Variants in DELE1 observed in about 807,000 individuals in gnomAD.
DELE1 encodes the protein DAP3 binding cell death enhancer 1, also known as death ligand signal enhancer.
A neutral mutation model predicts 59.3 loss-of-function variants in DELE1; 54 were observed. The ratio of observed to expected loss-of-function variants is 0.91; its 90% CI spans 0.73 to 1.14. DELE1 has a LOEUF of 1.14. Ranked by LOEUF, DELE1 falls within the 50% of genes most tolerant of loss-of-function variation. DELE1 has a pLI of 0.00. For synonymous variants in DELE1, 264 were observed against 259.1 expected (o/e 1.02, Z -0.18); for missense variants, 636 against 643.9 (o/e 0.99, Z 0.13).
chr5:141,924,705 T>A lies in DELE1; in HGVS notation c.146+10T>A. On this transcript the variant is annotated intron_variant, in intron 2 of 11. Transcript: ENST00000432126. ...TGCCTAACCTCGACAGGTAAGATACTGCCATTTTACCACTCATTTCCTCCC... is the reference window on the plus strand; with the variant it reads ...TGCCTAACCTCGACAGGTAAGATACAGCCATTTTACCACTCATTTCCTCCC... 1 of 1,535,190 alleles carries A rather than the reference T, an allele frequency of 6.5e-7. No individual in the cohort carries two copies. Among genetic ancestry groups the A allele is most frequent in the Non-Finnish European group, 9.0e-7 (1 of 1,108,384 alleles).
At chr5:141,930,771 G>A (rs547122440) in intron 7 of DELE1, among the ~76,000 whole-genome samples, 1 of 152,296 alleles carries the variant, frequency 6.6e-6, no homozygotes, top group African/African-American at 2.4e-5. Context: ...TAACCCTCAT[G>A]TGGGGACTCC....
rs760602484 is a variant in DELE1 at position 141,934,511 on chromosome 5, G to A, written c.1074G>A (p.Gly358=). ...SGLREAQAFL[G]VLFTKEPYLD... is the part of the protein sequence containing the mutation. ...GACCACAGGCCCAAGCTTTCCTCGG[G>A]GTGCTTTTCACCAAGGAGCCCTACC... The change falls in exon 10 of 12, where the codon GGG becomes GGA. Residue 358 remains glycine, a synonymous_variant. Transcript: ENST00000432126. 1.2e-6 allele frequency: 2 copies of A among 1,614,090 alleles called. No homozygotes were observed. The highest frequency in any genetic ancestry group is 8.5e-7 in the Non-Finnish European group (1 of 1,180,040).
intron 11 of DELE1, 133 bp from the exon 12 acceptor site, chr5:141,938,388 G>T: frequency 7.3e-7 from 1 of 1,373,192 alleles, no homozygotes; most frequent in Non-Finnish European, 9.8e-7. Flanking sequence ...TAAGAGCCCT[G>T]CTCACTCATG....
Position 141,939,257 on chromosome 5 carries a change from G to A in DELE1, c.*498G>A, listed in dbSNP as rs1752598238. The A allele has an allele frequency of 1.8e-6, 1 of 543,856 alleles. No homozygotes were observed. Among genetic ancestry groups the A allele is most frequent in the African/African-American group, 2.1e-5 (1 of 48,400 alleles). 33.7% of individuals were successfully genotyped at this position (543,856 alleles called of 1,614,324 possible). Reference sequence around the variant, plus strand: ...AAAAATATGATTAGCATATTGACCTGTAGTTTGATAGATGTTCTGTCTAGG... The same window carrying A: ...AAAAATATGATTAGCATATTGACCTATAGTTTGATAGATGTTCTGTCTAGG... On this transcript the variant is annotated 3_prime_UTR_variant, in exon 12 of 12. Transcript: ENST00000432126.
rs1465255483 is a variant in DELE1 at position 141,937,192 on chromosome 5, C to T, written c.1150-6C>T. The stretch of plus-strand genomic sequence containing the variant: ...GTATCTGTTTGTCTGTCCATTTTCT[C>T]CTTAGGACTCACAGAGCAGGTACCA... On this transcript the variant is annotated splice_polypyrimidine_tract_variant and splice_region_variant and intron_variant, in intron 10 of 11. Coordinates refer to ENST00000432126, the MANE Select transcript of DELE1 (RefSeq NM_014773.5). 3 of 1,614,132 alleles carry T rather than the reference C, an allele frequency of 1.9e-6. No homozygotes were observed. The highest frequency in any genetic ancestry group is 2.7e-5 in the African/African-American group (2 of 75,056).
At chr5:141,926,200 A>G (rs1239082779) in intron 3 of DELE1, among the ~76,000 whole-genome samples, 3 of 152,202 alleles carry the variant, frequency 2.0e-5, no homozygotes, top group African/African-American at 7.2e-5. Context: ...TTATTAATGT[A>G]AAGTATTATA....
chr5:141,941,571 C>T lies in DELE1; in HGVS notation c.*2812C>T, dbSNP rs374752443. 5.1e-5 allele frequency: 50 copies of T among 985,272 alleles called. No homozygotes were observed. The highest frequency in any genetic ancestry group is 9.4e-5 in the South Asian group (2 of 21,286). 61.0% of individuals were successfully genotyped at this position (985,272 alleles called of 1,614,324 possible). A position where few individuals can be genotyped will look rare whatever the true frequency, so the allele number is the denominator to read the frequency against. ...GTGCCCCAGAGGAAGTGTGAGAGGACGAGAGGGAGGTGGCTCCCATCAGCA... is the reference window on the plus strand; with the variant it reads ...GTGCCCCAGAGGAAGTGTGAGAGGATGAGAGGGAGGTGGCTCCCATCAGCA... On this transcript the variant is annotated 3_prime_UTR_variant, in exon 12 of 12. Coordinates refer to ENST00000432126, the MANE Select transcript of DELE1 (RefSeq NM_014773.5).
intron 11 of DELE1, among the ~76,000 whole-genome samples, chr5:141,938,188 C>G (rs959110673): frequency 1.3e-5 from 2 of 152,126 alleles, no homozygotes; most frequent in African/African-American, 4.8e-5. Context: ...GCCTCAGTTT[C>G]TTCACCTCTG....
Position 141,941,172 on chromosome 5 carries a change from C to G in DELE1, c.*2413C>G, listed in dbSNP as rs1384330370. 2 of 985,374 alleles carry G rather than the reference C, an allele frequency of 2.0e-6. No individual in the cohort carries two copies. Among genetic ancestry groups the G allele is most frequent in the Non-Finnish European group, 2.4e-6 (2 of 829,974 alleles). The allele number at this position is 985,374 out of a possible 1,614,324, so 61.0% of individuals were successfully genotyped here. ...TTTTGGATTTTCTGACTACTTCCTT[C>G]TAGCCATAGCTGGGGCCGAGGGCTG... is the stretch of plus-strand genomic sequence containing the variant. On this transcript the variant is annotated 3_prime_UTR_variant, in exon 12 of 12. Coordinates refer to ENST00000432126, the MANE Select transcript of DELE1 (RefSeq NM_014773.5).
In DELE1 at chr5:141,930,258, C is replaced by G; in HGVS notation, c.738C>G (p.Ile246Met). ...AGCTCTTCCAGCTCAGTGTTTCCATCGCTTTCAACTTCCTGGGTAACCAAA... is the reference window on the plus strand; with the variant it reads ...AGCTCTTCCAGCTCAGTGTTTCCATGGCTTTCAACTTCCTGGGTAACCAAA... ...IQQLFQLSVS[I>M]AFNFLGTENM... Residue 246 changes from isoleucine to methionine, a missense_variant, in exon 7 of 12, where the codon ATC becomes ATG. By Grantham distance (10) the Ile-to-Met change is conservative. Transcript: ENST00000432126. 6.2e-7 allele frequency: 1 copy of G among 1,613,348 alleles called. No homozygotes were observed. The highest frequency in any genetic ancestry group is 1.1e-5 in the South Asian group (1 of 91,056).
chr5:141,934,274 G>A lies in DELE1; in HGVS notation c.932G>A (p.Gly311Asp). The A allele has an allele frequency of 6.2e-7, 1 of 1,612,976 alleles. No homozygotes were observed. The highest frequency in any genetic ancestry group is 1.3e-5 in the African/African-American group (1 of 75,044). ...VLYYQLAASQ[G>D]HSLAQYRYAR... is the part of the protein sequence containing the mutation. ...TATTATCAGTTGGCTGCCAGCCAGGGCCACAGCCTGGCTCAGTACCGCTAT... is the reference window on the plus strand; with the variant it reads ...TATTATCAGTTGGCTGCCAGCCAGGACCACAGCCTGGCTCAGTACCGCTAT... The change falls in exon 9 of 12, where the codon GGC (glycine) becomes GAC (aspartate). Residue 311 changes from glycine to aspartate, a missense_variant. Physicochemically the swap from Gly to Asp is moderately conservative, Grantham distance 94. Coordinates refer to ENST00000432126, the MANE Select transcript of DELE1 (RefSeq NM_014773.5).
At chr5:141,931,150 A>G (rs987329559) in intron 7 of DELE1, 8 of 152,220 alleles carry the variant, frequency 5.3e-5, no homozygotes, top group Admixed American at 3.3e-4. Context: ...AAGACCTTTG[A>G]TCTAAGACCT....
Position 141,941,988 on chromosome 5 carries a change from G to T in DELE1, c.*3229G>T. ...GCACACACGCACACACACACACACG[G>T]TTTCCTGTGCTACTTCTGGCACTTA... On this transcript the variant is annotated 3_prime_UTR_variant, in exon 12 of 12. Transcript: ENST00000432126. 1.4e-5 allele frequency: 14 copies of T among 984,944 alleles called. No homozygotes were observed. Among genetic ancestry groups the T allele is most frequent in the Non-Finnish European group, 1.7e-5 (14 of 829,766 alleles). 61.0% of individuals were successfully genotyped at this position (984,944 alleles called of 1,614,324 possible). A position where few individuals can be genotyped will look rare whatever the true frequency, so the allele number is the denominator to read the frequency against.
At chr5:141,924,734 G>A (rs778384119) in intron 2 of DELE1, 39 bp downstream of exon 2, 220 of 1,255,596 alleles carry the variant, frequency 1.8e-4, no homozygotes, top group Non-Finnish European at 2.5e-4. Flanking sequence ...TCCTCCCCTA[G>A]TCACCCTTTT....
chr5:141,929,538 T>G (rs1412993909), intron 4 of DELE1, 44 bp from the exon 5 acceptor site: 1 of 1,597,430 alleles, frequency 6.3e-7, no homozygotes, highest in Admixed American at 1.7e-5. Context: ...GTGTGAGCCA[T>G]CGCGCCTGGC....
At chr5:141,929,137 A>G (rs1039211533) in intron 4 of DELE1, among the ~76,000 whole-genome samples, 42 of 152,226 alleles carry the variant, frequency 2.8e-4, no homozygotes, top group African/African-American at 9.9e-4. Context: ...GAGGAGGAGG[A>G]GTGTGAAGGA....
At chr5:141,929,878 C>G in intron 5 of DELE1, 111 bp from the exon 6 acceptor site, 3 of 1,500,280 alleles carry the variant, frequency 2.0e-6, no homozygotes, top group South Asian at 2.3e-5. Context: ...AGGGTTATTT[C>G]GGTTCCTGGC....
rs530663240 is a variant in DELE1, at chr5:141,939,921, T to C, written c.*1162T>C. The C allele has an allele frequency of 3.1e-5, 25 of 802,292 alleles. No homozygotes were observed. The African/African-American group carries it at 4.3e-4, about 14-fold the overall frequency. The allele number at this position is 802,292 out of a possible 1,614,324, so 49.7% of individuals were successfully genotyped here. A position where few individuals can be genotyped will look rare whatever the true frequency, so the allele number is the denominator to read the frequency against. On this transcript the variant is annotated 3_prime_UTR_variant, in exon 12 of 12. Transcript: ENST00000432126. ...ATGGTTGCATGACTTTATGAGTCGC[T>C]GGGCCAGGGTGAGGACCTGGGCCTC... is the stretch of plus-strand genomic sequence containing the variant.
At chr5:141,938,106 G>A (rs1446914247) in intron 11 of DELE1, among the ~76,000 whole-genome samples, 1 of 152,090 alleles carries the variant, frequency 6.6e-6, no homozygotes, top group Non-Finnish European at 1.5e-5. Context: ...GATTACAAGT[G>A]TGAGCCACCG....
Sources: allele counts gnomAD v4.1 joint callset (sites outside exome capture counted in the v4.1 genomes callset), GRCh38; gene constraint gnomAD v4.1.1; transcripts MANE v1.5; gene names NCBI Gene and HGNC (gene_info 2026-07-23, HGNC 2026-07-21).